Variants in KCTD8 observed in about 807,000 individuals in gnomAD.
The protein encoded by KCTD8 is BTB/POZ domain-containing protein KCTD8.
KCTD8 carries 27 observed loss-of-function variants against 31.5 expected under a neutral mutation model. That is an observed-to-expected ratio of 0.86 (90% CI 0.63 to 1.18). The LOEUF is 1.18. Ranked by LOEUF, KCTD8 falls within the 50% of genes most tolerant of loss-of-function variation. The pLI is 0.00. For missense variants in KCTD8, 658 were observed against 647.7 expected, an observed-to-expected ratio of 1.02 and a Z score of -0.17; for synonymous variants, 290 against 280.0, an observed-to-expected ratio of 1.04 and a Z score of -0.36.
intron 1 of KCTD8, among the ~76,000 whole-genome samples, chr4:44,335,650 G>T (rs1718719048): frequency 6.6e-6 from 1 of 152,068 alleles, no homozygotes; most frequent in South Asian, 2.1e-4. Context: ...TTGTGAATTT[G>T]TAATGCTTTT....
intron 1 of KCTD8, among the ~76,000 whole-genome samples, chr4:44,321,072 C>T (rs576375557): frequency 6.6e-6 from 1 of 152,318 alleles, no homozygotes; most frequent in South Asian, 2.1e-4. Flanking sequence ...GTCATAGCAA[C>T]CTTCATCAAC....
At chr4:44,300,129 C>T (rs188161643) in intron 1 of KCTD8, among the ~76,000 whole-genome samples, 1 of 152,140 alleles carries the variant, frequency 6.6e-6, no homozygotes, top group Admixed American at 6.5e-5. Flanking sequence ...TCCAAAATAA[C>T]CTACAGAGGT....
At chr4:44,197,161 T>G (rs1391649527) in intron 1 of KCTD8, among the ~76,000 whole-genome samples, 1 of 151,902 alleles carries the variant, frequency 6.6e-6, no homozygotes, top group Admixed American at 6.6e-5. Context: ...CAGGACTCAT[T>G]GGTTTGGGTA....
chr4:44,357,938 G>C (rs1289955581), intron 1 of KCTD8, among the ~76,000 whole-genome samples: 1 of 151,676 alleles, frequency 6.6e-6, no homozygotes, highest in African/African-American at 2.4e-5. Context: ...TGGGATACAA[G>C]TGCAGAAAGT....
chr4:44,421,910 C>T (rs1721221456), intron 1 of KCTD8, among the ~76,000 whole-genome samples: 1 of 152,074 alleles, frequency 6.6e-6, no homozygotes, highest in African/African-American at 2.4e-5. Flanking sequence ...ATCTGTGTAT[C>T]TGCTTTTATT....
chr4:44,208,036 T>A (rs1314616492), intron 1 of KCTD8, among the ~76,000 whole-genome samples: 1 of 152,118 alleles, frequency 6.6e-6, no homozygotes, highest in Admixed American at 6.6e-5. Context: ...AAGAGAGAAG[T>A]GCTGAAGAAA....
intron 1 of KCTD8, among the ~76,000 whole-genome samples, chr4:44,415,588 A>G (rs1407159845): frequency 6.6e-6 from 1 of 152,204 alleles, no homozygotes; most frequent in Non-Finnish European, 1.5e-5. Context: ...GCCTTGGGAC[A>G]CTGCTCCCTG....
In KCTD8 at chr4:44,444,568, T is replaced by C. The variant is rs199524029; in HGVS notation, c.961+2995A>G. ...GTTAACAGCTAACATTTGTTAAGCT[T>C]TTATTATGAGTCAGGCACTAATCTA... is the stretch of plus-strand genomic sequence containing the variant. On this transcript the variant is annotated intron_variant, in intron 1 of 1. Coordinates refer to ENST00000360029, the MANE Select transcript of KCTD8 (RefSeq NM_198353.3). 1.1e-4 allele frequency among the ~76,000 whole-genome samples: 17 copies of C among 152,324 alleles called. No individual in the cohort carries two copies. The East Asian group carries it at 2.9e-3, about 26-fold the overall frequency.
At chr4:44,393,584 T>C (rs1050195721) in intron 1 of KCTD8, among the ~76,000 whole-genome samples, 5 of 151,320 alleles carry the variant, frequency 3.3e-5, no homozygotes, top group Non-Finnish European at 5.9e-5. Flanking sequence ...TTAAATTCTA[T>C]TATTAAAAAT....
In KCTD8 at chr4:44,400,300, C is replaced by T. The variant is rs1193942816; in HGVS notation, c.961+47263G>A. On this transcript the variant is annotated intron_variant, in intron 1 of 1. Coordinates refer to ENST00000360029, the MANE Select transcript of KCTD8 (RefSeq NM_198353.3). ...AAAAATGTTTCTAAGTATAAAATTT[C>T]ATCTCCTTTCTCAATGCTGCAATAA... 2.0e-5 allele frequency among the ~76,000 whole-genome samples: 3 copies of T among 152,236 alleles called. No individual in the cohort carries two copies. The South Asian group carries it at 6.2e-4, about 32-fold the overall frequency.
chr4:44,259,494 T>A (rs1716100654), intron 1 of KCTD8, among the ~76,000 whole-genome samples: 1 of 151,916 alleles, frequency 6.6e-6, no homozygotes, highest in Non-Finnish European at 1.5e-5. Flanking sequence ...ATCCATTTAG[T>A]TCATCCTCCT....
intron 1 of KCTD8, among the ~76,000 whole-genome samples, chr4:44,305,240 AGATAT>A (rs1717766482): frequency 6.6e-6 from 1 of 151,766 alleles, no homozygotes; most frequent in African/African-American, 2.4e-5. Context: ...AATACGTGAT[AGATAT>A]AAGTATATAA....
rs193079888 is a variant in KCTD8 at position 44,369,767 on chromosome 4, G to A, written c.961+77796C>T. ...GAGCCAAGATTGCACCTTTGCACCC[G>A]CAAGCCTGGGCAACGGAGAGAGATT... On this transcript the variant is annotated intron_variant, in intron 1 of 1. Coordinates refer to ENST00000360029, the MANE Select transcript of KCTD8 (RefSeq NM_198353.3). 6.2e-3 allele frequency among the ~76,000 whole-genome samples: 937 copies of A among 151,962 alleles called. 37 individuals carry two copies. Among genetic ancestry groups the A allele is most frequent in the Admixed American group, 0.052 (795 of 15,266 alleles).
At chr4:44,397,664 C>T (rs970989375) in intron 1 of KCTD8, among the ~76,000 whole-genome samples, 3 of 151,952 alleles carry the variant, frequency 2.0e-5, no homozygotes, top group African/African-American at 7.3e-5. Flanking sequence ...CTTTTTCTTC[C>T]AACATTCCTG....
intron 1 of KCTD8, among the ~76,000 whole-genome samples, chr4:44,314,644 A>G (rs921463382): frequency 6.6e-6 from 1 of 152,104 alleles, no homozygotes; most frequent in Non-Finnish European, 1.5e-5. Context: ...GCATATATAA[A>G]TATACACATC....
rs144541802 is a variant in KCTD8 at position 44,316,834 on chromosome 4, C to T, written c.961+130729G>A. 5.0e-3 allele frequency among the ~76,000 whole-genome samples: 668 copies of T among 133,868 alleles called. 7 individuals carry two copies. Among genetic ancestry groups the T allele is most frequent in the African/African-American group, 0.017 (627 of 37,192 alleles). 87.8% of individuals were successfully genotyped at this position (133,868 alleles called of 152,430 possible). ...AAAAAAAAAAAAAAAGAAGATAAGC[C>T]GAGCTTGGTGGCCGGCGCCTGTAGT... On this transcript the variant is annotated intron_variant, in intron 1 of 1. Coordinates refer to ENST00000360029, the MANE Select transcript of KCTD8 (RefSeq NM_198353.3).
intron 1 of KCTD8, among the ~76,000 whole-genome samples, chr4:44,441,772 T>A (rs1366722900): frequency 1.3e-5 from 2 of 152,336 alleles, no homozygotes; most frequent in African/African-American, 4.8e-5. Context: ...CAAAGTAATG[T>A]ATGCAAAACA....
At position 44,205,428 on chromosome 4, in the gene KCTD8, CAT is replaced by C. The variant is rs200587571; in HGVS notation, c.962-30180_962-30179del. On this transcript the variant is annotated intron_variant, in intron 1 of 1. Transcript: ENST00000360029. ...GGCAACTGGCTATCCATTTGGAAAA[CAT>C]ATTTATATTTCTACCTCACATCACA... Among the ~76,000 whole-genome samples the C allele has an allele frequency of 8.9e-3, 1,351 of 152,264 alleles. 8 individuals carry two copies. The highest frequency in any genetic ancestry group is 0.014 in the Admixed American group (207 of 15,292).
chr4:44,439,089 G>A (rs1721753461), intron 1 of KCTD8, among the ~76,000 whole-genome samples: 1 of 152,068 alleles, frequency 6.6e-6, no homozygotes, highest in Admixed American at 6.6e-5. Flanking sequence ...AACAGATTCT[G>A]GCATTGTCAC....
Sources: gnomAD v4.1 joint callset for allele counts (sites outside exome capture counted in the v4.1 genomes callset) on GRCh38, gnomAD v4.1.1 for gene constraint, MANE v1.5 for transcripts, NCBI Gene and HGNC (gene_info 2026-07-23, HGNC 2026-07-21) for gene names.